Variants in NUP88 observed in about 807,000 individuals in gnomAD.
NUP88 encodes nucleoporin 88.
Under a neutral mutation model 93.9 loss-of-function variants are expected in NUP88, and 57 were observed. The observed-to-expected ratio is 0.61, with a 90% CI of 0.49 to 0.76. The LOEUF (loss-of-function observed/expected upper bound fraction) is 0.76, where lower values mean the gene tolerates loss of function less well. Among genes scored for constraint, NUP88 ranks in the 30% least tolerant of loss-of-function variants. The pLI is 0.00. For synonymous variants in NUP88, 346 were observed against 336.8 expected (o/e 1.03, Z -0.30); for missense variants, 911 against 901.0 (o/e 1.01, Z -0.14).
intron 1 of NUP88, among the ~76,000 whole-genome samples, chr17:5,417,453 G>GA (rs1345840497): frequency 1.3e-5 from 2 of 151,870 alleles, no homozygotes; most frequent in African/African-American, 2.4e-5. Flanking sequence ...GGGCAACAGA[G>GA]AAAGACCCCA....
chr17:5,388,021 G>T, intron 11 of NUP88, 117 bp from the exon 12 acceptor site: 1 of 1,084,718 alleles, frequency 9.2e-7, no homozygotes, highest in Non-Finnish European at 1.3e-6. Context: ...ATTTATTTGA[G>T]ATGCAGTCTC....
chr17:5,416,723 T>C (rs372887643), intron 1 of NUP88, 41 bp from the exon 2 acceptor site: 3 of 1,523,942 alleles, frequency 2.0e-6, no homozygotes, highest in Non-Finnish European at 1.8e-6. Context: ...TTAATTTTAA[T>C]TTAAATATAG....
Position 5,385,219 on chromosome 17 carries a change from G to C in NUP88, c.*987C>G, listed in dbSNP as rs887095297. ...TTTCTGGTATGAAACAAACTACTGT[G>C]TCACTGTCCAGGTAGGAAACAATTC... is the stretch of plus-strand genomic sequence containing the variant. On this transcript the variant is annotated 3_prime_UTR_variant, in exon 17 of 17. Coordinates refer to ENST00000573584, the MANE Select transcript of NUP88 (RefSeq NM_002532.6). 1 of 230,238 alleles carries C rather than the reference G, an allele frequency of 4.3e-6. No individual in the cohort carries two copies. The highest frequency in any genetic ancestry group is 2.2e-5 in the African/African-American group (1 of 45,180). 14.3% of individuals were successfully genotyped at this position (230,238 alleles called of 1,614,324 possible). A position where few individuals can be genotyped will look rare whatever the true frequency, so the allele number is the denominator to read the frequency against.
In NUP88 at chr17:5,419,434, C is replaced by T. The variant is rs762011966; in HGVS notation, c.217G>A (p.Gly73Arg). 2 of 1,613,926 alleles carry T rather than the reference C, an allele frequency of 1.2e-6. No individual in the cohort carries two copies. The highest frequency in any genetic ancestry group is 1.7e-6 in the Non-Finnish European group (2 of 1,179,930). Reference sequence around the variant, plus strand: ...ACGACTAAGAAGGAGCTGTCTTCTCCGTCCCACAGGAAAAGCTCTCCGCCG... The same window carrying T: ...ACGACTAAGAAGGAGCTGTCTTCTCTGTCCCACAGGAAAAGCTCTCCGCCG... ...GLGGELFLWD[G>R]EDSSFLVVRL... The change falls in exon 1 of 17, where the codon GGA (glycine) becomes AGA (arginine). Residue 73 changes from glycine (G) to arginine (R), a missense_variant. Physicochemically the swap from Gly to Arg is moderately radical, Grantham distance 125 (BLOSUM62 -2). Coordinates refer to ENST00000573584, the MANE Select transcript of NUP88 (RefSeq NM_002532.6).
intron 8 of NUP88, among the ~76,000 whole-genome samples, chr17:5,397,267 G>A (rs1193254123): frequency 6.6e-6 from 1 of 152,110 alleles, no homozygotes; most frequent in Non-Finnish European, 1.5e-5. Context: ...TTGAGCCCAG[G>A]AGTTCGAGAC....
intron 2 of NUP88, among the ~76,000 whole-genome samples, chr17:5,415,807 T>C (rs1914100777): frequency 1.3e-5 from 2 of 152,108 alleles, no homozygotes; most frequent in South Asian, 2.1e-4. Flanking sequence ...CTCTTTTCAG[T>C]AGATCTTTCA....
intron 7 of NUP88, among the ~76,000 whole-genome samples, chr17:5,402,400 T>A (rs898626699): frequency 2.6e-5 from 4 of 152,266 alleles, no homozygotes; most frequent in Non-Finnish European, 4.4e-5. Context: ...TATACGTATC[T>A]ATATGAGGAA....
At chr17:5,386,922 T>TCCAGCCTGGGCGACAGAGCGAGACTCCG in intron 15 of NUP88, 62 bp downstream of exon 15, 1 of 1,600,174 alleles carries the variant, frequency 6.2e-7, no homozygotes, top group Non-Finnish European at 8.5e-7. Flanking sequence ...TTGTAAAATT[T>TCCAGCCTGGGCGACAGAGCGAGACTCCG]TCTGTAGAAT....
At chr17:5,411,602 A>C (rs1005449376) in intron 3 of NUP88, among the ~76,000 whole-genome samples, 1 of 151,454 alleles carries the variant, frequency 6.6e-6, no homozygotes, top group South Asian at 2.1e-4. Context: ...AAAAAACCAA[A>C]CAAACAAACC....
At chr17:5,415,683 G>A (rs57303034) in intron 2 of NUP88, among the ~76,000 whole-genome samples, 66,401 of 151,932 alleles carry the variant, frequency 0.44, 15,278 homozygotes, top group East Asian at 0.84. Context: ...AAAATCCTAC[G>A]TTGAACCATC....
intron 8 of NUP88, among the ~76,000 whole-genome samples, chr17:5,396,699 A>T (rs1028598751): frequency 3.3e-5 from 5 of 152,218 alleles, no homozygotes; most frequent in African/African-American, 1.2e-4. Flanking sequence ...TCATTTGAGG[A>T]ACTGCCAGAT....
chr17:5,416,754 CA>C (rs1469899299), intron 1 of NUP88, 72 bp from the exon 2 acceptor site: 1 of 1,202,452 alleles, frequency 8.3e-7, no homozygotes, highest in African/African-American at 1.9e-5. Flanking sequence ...CTTGAAATCA[CA>C]GTAATACTTA....
intron 7 of NUP88, 53 bp from the exon 8 acceptor site, chr17:5,399,703 AT>A: frequency 2.1e-6 from 2 of 960,430 alleles, no homozygotes; most frequent in Non-Finnish European, 3.2e-6. Flanking sequence ...AACTAAAAAA[AT>A]TTACCTCAAA....
At chr17:5,386,293 CT>C in intron 16 of NUP88, 24 bp from the exon 17 acceptor site, 1 of 1,555,078 alleles carries the variant, frequency 6.4e-7, no homozygotes, top group Non-Finnish European at 8.8e-7. Context: ...AAGTCACTCA[CT>C]TTTGGAATTA....
chr17:5,395,821 A>G (rs1249239188), intron 8 of NUP88, among the ~76,000 whole-genome samples: 1 of 152,124 alleles, frequency 6.6e-6, no homozygotes, highest in Non-Finnish European at 1.5e-5. Flanking sequence ...CCTGGCCTGT[A>G]ACAGCTTTTT....
chr17:5,400,493 CAAAA>C (rs1187634728), intron 7 of NUP88, among the ~76,000 whole-genome samples: 65 of 44,776 alleles, frequency 1.5e-3, no homozygotes, highest in East Asian at 4.3e-3. Context: ...AACTCCGTCT[CAAAA>C]AAAAAAAAAA....
At chr17:5,387,214 C>A in intron 14 of NUP88, 104 bp from the exon 15 acceptor site, 1 of 1,399,528 alleles carries the variant, frequency 7.1e-7, no homozygotes, top group Non-Finnish European at 9.9e-7. Flanking sequence ...TGAAGTAGGC[C>A]CCATAGGAAG....
rs1912326579 is a variant in NUP88 at position 5,390,183 on chromosome 17, A to T, written c.1485-1223T>A. On this transcript the variant is annotated intron_variant, in intron 10 of 16. Transcript: ENST00000573584. The stretch of plus-strand genomic sequence containing the variant: ...CGTCTCAAAAAAAAAAAAAAAAAAT[A>T]TCCAGACAATTAATGTTTATTTTTC... Among the ~76,000 whole-genome samples the T allele has an allele frequency of 2.0e-5, 3 of 150,616 alleles. 1 individual carries two copies. The highest frequency in any genetic ancestry group is 1.3e-4 in the Admixed American group (2 of 15,160).
At chr17:5,396,077 G>A (rs777853610) in intron 8 of NUP88, among the ~76,000 whole-genome samples, 1 of 151,976 alleles carries the variant, frequency 6.6e-6, no homozygotes, top group Non-Finnish European at 1.5e-5. Context: ...TGGACGTGGT[G>A]GTGGGCACCT....
Sources: gnomAD v4.1 joint callset for allele counts (sites outside exome capture counted in the v4.1 genomes callset) on GRCh38, gnomAD v4.1.1 for gene constraint, MANE v1.5 for transcripts, NCBI Gene and HGNC (gene_info 2026-07-23, HGNC 2026-07-21) for gene names.